Variants in MAGI2 observed in about 807,000 individuals in gnomAD.
MAGI2 encodes the protein membrane associated guanylate kinase, WW and PDZ domain containing 2, also known as membrane-associated guanylate kinase, WW and PDZ domain-containing protein 2.
Under a neutral mutation model 133.3 loss-of-function variants are expected in MAGI2, and 35 were observed. That is an observed-to-expected ratio of 0.26 (90% CI 0.20 to 0.35). MAGI2 has a LOEUF of 0.35. Among genes scored for constraint, MAGI2 ranks in the 10% least tolerant of loss-of-function variants. The pLI is 1.00. For missense variants in MAGI2, 1,636 were observed against 1,863.4 expected, an observed-to-expected ratio of 0.88 and a Z score of 2.25; for synonymous variants, 729 against 710.6, an observed-to-expected ratio of 1.03 and a Z score of -0.41.
chr7:78,747,057 A>G (rs1310719576), intron 2 of MAGI2, among the ~76,000 whole-genome samples: 1 of 152,202 alleles, frequency 6.6e-6, no homozygotes, highest in East Asian at 1.9e-4. Context: ...CCAAGTGCAC[A>G]TACGCATCAC....
chr7:78,027,907 A>C (rs1468736254), intron 21 of MAGI2, among the ~76,000 whole-genome samples: 1 of 152,230 alleles, frequency 6.6e-6, no homozygotes, highest in Non-Finnish European at 1.5e-5. Context: ...TTCCTGTTGC[A>C]ACCTACAGTT....
At chr7:78,792,104 C>A (rs1161077001) in intron 2 of MAGI2, among the ~76,000 whole-genome samples, 1 of 151,952 alleles carries the variant, frequency 6.6e-6, no homozygotes, top group African/African-American at 2.4e-5. Flanking sequence ...ACTATATTAC[C>A]TAGTAAGAGA....
chr7:78,520,948 T>C (rs943638894), intron 4 of MAGI2, among the ~76,000 whole-genome samples: 5 of 152,170 alleles, frequency 3.3e-5, no homozygotes, highest in Admixed American at 2.6e-4. Context: ...TTTTGAAAAT[T>C]ATATTCATTG....
At chr7:78,746,174 CTTTG>C (rs546929481) in intron 2 of MAGI2, among the ~76,000 whole-genome samples, 7 of 152,152 alleles carry the variant, frequency 4.6e-5, no homozygotes, top group Admixed American at 1.3e-4. Flanking sequence ...TGCCTCCTGA[CTTTG>C]TTTAATTGTT....
At chr7:78,593,134 TTC>T (rs745882891) in intron 3 of MAGI2, among the ~76,000 whole-genome samples, 1 of 149,556 alleles carries the variant, frequency 6.7e-6, no homozygotes, top group African/African-American at 2.5e-5. Flanking sequence ...GATTTTTTTT[TTC>T]TTTCTTTTTT....
chr7:78,278,719 T>G (rs537210547), intron 9 of MAGI2, among the ~76,000 whole-genome samples: 155 of 152,266 alleles, frequency 1.0e-3, no homozygotes, highest in African/African-American at 3.5e-3. Context: ...AAGAATAAAA[T>G]TGAGGTTTCC....
chr7:79,395,595 C>T (rs563375465), intron 1 of MAGI2, among the ~76,000 whole-genome samples: 9 of 152,092 alleles, frequency 5.9e-5, no homozygotes, highest in Non-Finnish European at 8.8e-5. Context: ...AATATCAGCT[C>T]CCATTTTCAT....
intron 2 of MAGI2, among the ~76,000 whole-genome samples, chr7:78,909,525 C>T (rs974131337): frequency 2.9e-4 from 43 of 147,876 alleles, no homozygotes; most frequent in African/African-American, 1.1e-3. Context: ...ATGGCGTGAA[C>T]CCAGGAGGCG....
At chr7:79,355,892 G>A (rs988875434) in intron 1 of MAGI2, among the ~76,000 whole-genome samples, 3 of 152,116 alleles carry the variant, frequency 2.0e-5, no homozygotes, top group African/African-American at 7.2e-5. Flanking sequence ...ATATTTGAGA[G>A]ATTAATATTT....
At chr7:78,985,224 A>G (rs1805150302) in intron 2 of MAGI2, among the ~76,000 whole-genome samples, 1 of 152,040 alleles carries the variant, frequency 6.6e-6, no homozygotes, top group Non-Finnish European at 1.5e-5. Context: ...TAAGGTAGCA[A>G]TCACCTCAAT....
At chr7:78,513,182 T>C (rs1795751900) in intron 4 of MAGI2, among the ~76,000 whole-genome samples, 1 of 152,134 alleles carries the variant, frequency 6.6e-6, no homozygotes, top group East Asian at 1.9e-4. Context: ...TTTCTGAAGT[T>C]CCAGGAAATT....
intron 13 of MAGI2, among the ~76,000 whole-genome samples, chr7:78,179,921 G>T (rs1350237237): frequency 6.6e-6 from 1 of 152,152 alleles, no homozygotes; most frequent in Non-Finnish European, 1.5e-5. Flanking sequence ...TAAGCCTTTG[G>T]GAGTCTGGAG....
chr7:79,415,152 C>A (rs1846411934), intron 1 of MAGI2: 1 of 152,094 alleles, frequency 6.6e-6, no homozygotes, highest in South Asian at 2.1e-4. Flanking sequence ...TCACCTCTAG[C>A]CTACATAAGA....
At chr7:78,332,320 T>C (rs1328503521) in intron 9 of MAGI2, among the ~76,000 whole-genome samples, 1 of 152,250 alleles carries the variant, frequency 6.6e-6, no homozygotes, top group Admixed American at 6.5e-5. Flanking sequence ...GCAATGACGT[T>C]GTTTTTAATC....
chr7:78,250,085 A>G (rs1201041442), intron 10 of MAGI2, among the ~76,000 whole-genome samples: 1 of 152,082 alleles, frequency 6.6e-6, no homozygotes, highest in African/African-American at 2.4e-5. Flanking sequence ...TAAAAACAAG[A>G]TGTATTTCTG....
At chr7:78,916,599 T>C (rs931237964) in intron 2 of MAGI2, among the ~76,000 whole-genome samples, 1 of 152,080 alleles carries the variant, frequency 6.6e-6, no homozygotes, top group Admixed American at 6.6e-5. Context: ...ATTAAACCTT[T>C]CAGGATGATG....
intron 1 of MAGI2, among the ~76,000 whole-genome samples, chr7:79,127,665 ATTTG>A (rs1232838595): frequency 1.3e-5 from 2 of 152,094 alleles, no homozygotes; most frequent in Non-Finnish European, 2.9e-5. Flanking sequence ...TTTCTTGTAA[ATTTG>A]TTTGAGTTCA....
intron 1 of MAGI2, among the ~76,000 whole-genome samples, chr7:79,061,896 A>C (rs1448406550): frequency 6.6e-6 from 1 of 152,098 alleles, no homozygotes; most frequent in African/African-American, 2.4e-5. Context: ...ATACATGTGG[A>C]GTTTGGGAAT....
chr7:78,630,216 AT>A (rs34987361), intron 2 of MAGI2, among the ~76,000 whole-genome samples: 48,291 of 151,018 alleles, frequency 0.32, 8,196 homozygotes, highest in East Asian at 0.62. Flanking sequence ...TTTTTTCTTG[AT>A]TTTTTTTAAA....
Sources: gnomAD v4.1 joint callset for allele counts (sites outside exome capture counted in the v4.1 genomes callset) on GRCh38, gnomAD v4.1.1 for gene constraint, MANE v1.5 for transcripts, NCBI Gene and HGNC (gene_info 2026-07-23, HGNC 2026-07-21) for gene names.